Variants in CDKL4 observed in about 807,000 individuals in gnomAD.
The protein encoded by CDKL4 is cyclin dependent kinase like 4.
Under a neutral mutation model 42.0 loss-of-function variants are expected in CDKL4, and 44 were observed. The observed-to-expected ratio is 1.05, with a 90% CI of 0.82 to 1.35. The LOEUF (loss-of-function observed/expected upper bound fraction) is 1.35, where lower values mean the gene tolerates loss of function less well. Among genes scored for constraint, CDKL4 ranks in the 40% most tolerant of loss-of-function variants. The pLI is 0.00. For synonymous variants in CDKL4, 120 were observed against 121.6 expected (o/e 0.99, Z 0.09); for missense variants, 393 against 369.9 (o/e 1.06, Z -0.51).
Position 39,205,777 on chromosome 2 carries a change from A to G in CDKL4, c.364-1160T>C, listed in dbSNP as rs1038254006. On this transcript the variant is annotated intron_variant, in intron 4 of 9. Coordinates refer to ENST00000451199, the Ensembl canonical transcript of CDKL4. ...TCCGTCTCAAAAAAAAAAAAAAAAA[A>G]AAAGAAAGAAAGAAAGAAAGAGGGG... Among the ~76,000 whole-genome samples, 478 of 149,518 alleles carry G rather than the reference A, an allele frequency of 3.2e-3. 3 individuals carry two copies. The highest frequency in any genetic ancestry group is 0.011 in the Admixed American group (166 of 14,946).
chr2:39,188,633 C>G (rs907364598), intron 6 of CDKL4, among the ~76,000 whole-genome samples: 2 of 143,802 alleles, frequency 1.4e-5, no homozygotes, highest in Non-Finnish European at 3.0e-5. Context: ...CACACATTAT[C>G]TCATTTAATC....
Position 39,236,984 on chromosome 2 carries a change from C to T in CDKL4, c.-57+6887G>A, listed in dbSNP as rs555649827. Among the ~76,000 whole-genome samples, 27 of 152,308 alleles carry T rather than the reference C, an allele frequency of 1.8e-4. No homozygotes were observed. In the South Asian group the frequency reaches 5.6e-3, roughly 32 times the overall value. On this transcript the variant is annotated intron_variant, in intron 1 of 9. Transcript: ENST00000451199. Reference sequence around the variant, plus strand: ...TACCTAAGAAAAATTAGTATCAATCCTTTGCAAACTATTTGAAAACATAGA... The same window carrying T: ...TACCTAAGAAAAATTAGTATCAATCTTTTGCAAACTATTTGAAAACATAGA...
At chr2:39,229,166 C>A (rs1678939009) in intron 2 of CDKL4, among the ~76,000 whole-genome samples, 199 bp downstream of exon 2, 1 of 152,188 alleles carries the variant, frequency 6.6e-6, no homozygotes, top group Admixed American at 6.5e-5. Flanking sequence ...TTCAGTATAA[C>A]AATCTATAGC....
chr2:39,243,037 T>C (rs537366474), intron 1 of CDKL4, among the ~76,000 whole-genome samples: 1 of 135,782 alleles, frequency 7.4e-6, no homozygotes, highest in Admixed American at 8.8e-5. Flanking sequence ...AGGTCAAGGT[T>C]GCTGAACCTG....
chr2:39,205,801 G>A (rs932868433), intron 4 of CDKL4, among the ~76,000 whole-genome samples: 16 of 151,328 alleles, frequency 1.1e-4, no homozygotes, highest in African/African-American at 3.6e-4. Context: ...AAGAAAGAGG[G>A]GCCTATTAAT....
intron 6 of CDKL4, among the ~76,000 whole-genome samples, chr2:39,189,433 A>G (rs947546843): frequency 1.4e-4 from 21 of 152,238 alleles, no homozygotes; most frequent in African/African-American, 4.8e-4. Flanking sequence ...AAAACATTAT[A>G]ACTTCCTTAA....
intron 8 of CDKL4, 87 bp downstream of exon 8, chr2:39,184,504 T>G: frequency 3.5e-6 from 3 of 851,360 alleles, no homozygotes; most frequent in Non-Finnish European, 5.7e-6. Flanking sequence ...TTGGCATTAT[T>G]TAATCCACTG....
rs1675738608 is a variant in CDKL4, at chr2:39,185,390, GTATATATACA to G, written c.736-753_736-744del. Reference sequence around the variant, plus strand: ...TATATATACATATGTATATATACATGTATATATACATATGTGTATATATACATATATATAT... The same window carrying G: ...TATATATACATATGTATATATACATGTATGTGTATATATACATATATATAT... On this transcript the variant is annotated intron_variant, in intron 7 of 9. Coordinates refer to ENST00000451199, the Ensembl canonical transcript of CDKL4. Among the ~76,000 whole-genome samples, 6 of 4,288 alleles carry G rather than the reference GTATATATACA, an allele frequency of 1.4e-3. 1 individual carries two copies. 2.8% of individuals were successfully genotyped at this position (4,288 alleles called of 152,430 possible).
chr2:39,179,245 T>C (rs1195673641), exon 9 of CDKL4: 1 of 1,613,720 alleles, frequency 6.2e-7, no homozygotes, highest in East Asian at 2.2e-5. Context: ...TTGGGCCTCT[T>C]GAAAAGAATC....
chr2:39,195,373 C>A (rs556469411), intron 5 of CDKL4, among the ~76,000 whole-genome samples: 76 of 152,296 alleles, frequency 5.0e-4, no homozygotes, highest in African/African-American at 1.8e-3. Context: ...TTTTGAAGAG[C>A]TGCCATACTG....
chr2:39,185,327 CACATATGTATATATAT>C lies in CDKL4; in HGVS notation c.736-696_736-681del, dbSNP rs1375866929. 4.8e-3 allele frequency among the ~76,000 whole-genome samples: 383 copies of C among 79,366 alleles called. 84 individuals carry two copies. Among genetic ancestry groups the C allele is most frequent in the African/African-American group, 0.018 (363 of 19,958 alleles). The allele number at this position is 79,366 out of a possible 152,430, so 52.1% of individuals were successfully genotyped here. A position where few individuals can be genotyped will look rare whatever the true frequency, so the allele number is the denominator to read the frequency against. ...ACATATGTATATATACATATATATA[CACATATGTATATATAT>C]ACACATATGTATATATACATATATA... On this transcript the variant is annotated intron_variant, in intron 7 of 9. Coordinates refer to ENST00000451199, the Ensembl canonical transcript of CDKL4.
At chr2:39,194,029 AG>A (rs1456092864) in intron 5 of CDKL4, among the ~76,000 whole-genome samples, 2 of 152,168 alleles carry the variant, frequency 1.3e-5, no homozygotes, top group African/African-American at 4.8e-5. Flanking sequence ...ATTATTTTGG[AG>A]GGTAGTATCT....
At chr2:39,190,364 T>C in exon 6 of CDKL4, 2 of 1,614,228 alleles carry the variant, frequency 1.2e-6, no homozygotes, top group Non-Finnish European at 8.5e-7. Context: ...CCACAGTGGC[T>C]GGCCTGTCAG....
At chr2:39,242,044 CTT>C (rs74579526) in intron 1 of CDKL4, among the ~76,000 whole-genome samples, 75 of 141,002 alleles carry the variant, frequency 5.3e-4, no homozygotes, top group Non-Finnish European at 7.1e-4. Flanking sequence ...TTTCTTTTTC[CTT>C]TTTTTTTTTT....
intron 6 of CDKL4, 109 bp from the exon 7 acceptor site, chr2:39,187,818 A>T (rs1450418103): frequency 1.4e-6 from 1 of 699,486 alleles, no homozygotes; most frequent in African/African-American, 1.8e-5. Flanking sequence ...CTGTAATTCC[A>T]GCACTTTGAG....
intron 5 of CDKL4, among the ~76,000 whole-genome samples, chr2:39,194,252 T>A (rs1676374419): frequency 6.6e-6 from 1 of 152,138 alleles, no homozygotes; most frequent in African/African-American, 2.4e-5. Flanking sequence ...AGGCCAGAAG[T>A]TCGAGATGAG....
downstream of CDKL4, among the ~76,000 whole-genome samples, chr2:39,172,613 G>T (rs535762495): frequency 6.6e-5 from 10 of 152,186 alleles, no homozygotes; most frequent in African/African-American, 2.4e-4. Flanking sequence ...ACGGAGTCTT[G>T]CTCTGTTGCC....
intron 8 of CDKL4, among the ~76,000 whole-genome samples, chr2:39,180,270 G>C (rs1258507209): frequency 1.3e-5 from 2 of 152,210 alleles, no homozygotes; most frequent in African/African-American, 4.8e-5. Context: ...CAGACGACCT[G>C]ACAATTATTG....
At chr2:39,226,927 T>C (rs1288537029) in intron 2 of CDKL4, among the ~76,000 whole-genome samples, 2 of 152,130 alleles carry the variant, frequency 1.3e-5, no homozygotes, top group African/African-American at 4.8e-5. Flanking sequence ...CTACCACGCC[T>C]GGCTAATTTT....
Sources: allele counts gnomAD v4.1 joint callset (sites outside exome capture counted in the v4.1 genomes callset), GRCh38; gene constraint gnomAD v4.1.1; transcripts MANE v1.5; gene names NCBI Gene and HGNC (gene_info 2026-07-23, HGNC 2026-07-21).